Variants in AP2A1 observed in about 807,000 individuals in gnomAD.
The protein encoded by AP2A1 is AP-2 complex subunit alpha-1.
In AP2A1, 21 loss-of-function variants were observed where a neutral mutation model predicts 107.3. The observed-to-expected ratio is 0.20, with a 90% CI of 0.14 to 0.28. The LOEUF (loss-of-function observed/expected upper bound fraction) is 0.28, where lower values mean the gene tolerates loss of function less well. Among genes scored for constraint, AP2A1 ranks in the 10% least tolerant of loss-of-function variants. AP2A1 has a pLI of 1.00. For missense variants in AP2A1, 873 were observed against 1,307.7 expected (o/e 0.67, Z 5.13); for synonymous variants, 602 against 564.8 (o/e 1.07, Z -0.93).
In AP2A1 at chr19:49,801,486, C is replaced by T. The variant is rs1330201802; in HGVS notation, c.1650C>T (p.Asn550=). The T allele has an allele frequency of 2.5e-6, 4 of 1,613,694 alleles. No homozygotes were observed. In the East Asian group the frequency reaches 8.9e-5, roughly 36 times the overall value. ...LLLSTYIKFI[N]LFPETKATIQ... is the part of the protein sequence containing the mutation. ...TGTCCACCTACATCAAGTTCATCAA[C>T]CTCTTCCCCGAGACCAAGGCCACCA... is the stretch of plus-strand genomic sequence containing the variant. Residue 550 remains asparagine, a synonymous_variant, in exon 13 of 23, where the codon AAC becomes AAT. Transcript: ENST00000354293.
At chr19:49,799,188 T>C in intron 8 of AP2A1, 139 bp from the exon 9 acceptor site, 1 of 1,174,076 alleles carries the variant, frequency 8.5e-7, no homozygotes. Context: ...TCACTGGAGG[T>C]GCAGTACTGC....
Position 49,792,072 on chromosome 19 carries a change from C to A in AP2A1, c.603+8C>A. On this transcript the variant is annotated splice_region_variant and intron_variant, in intron 5 of 22. Coordinates refer to ENST00000354293, the MANE Select transcript of AP2A1 (RefSeq NM_130787.3). ...CTCAATGACCAGCACATGGTGAGCC[C>A]CCAGCCCTCACACCCCCGGATACCC... The A allele has an allele frequency of 6.2e-7, 1 of 1,610,980 alleles. No individual in the cohort carries two copies. Among genetic ancestry groups the A allele is most frequent in the Non-Finnish European group, 8.5e-7 (1 of 1,179,240 alleles).
chr19:49,802,602 AAG>A, intron 15 of AP2A1: 1 of 1,592,118 alleles, frequency 6.3e-7, no homozygotes, highest in Non-Finnish European at 8.5e-7. Flanking sequence ...GCTGCTGAGT[AAG>A]GGGTGGCCTG....
chr19:49,787,345 TTG>T (rs1568579463), intron 4 of AP2A1, among the ~76,000 whole-genome samples: 1 of 108,668 alleles, frequency 9.2e-6, no homozygotes, highest in African/African-American at 3.9e-5. Flanking sequence ...TTTGTTTTTT[TTG>T]TTTTTTGTTT....
chr19:49,805,622 G>A (rs748636383), intron 19 of AP2A1, 39 bp from the exon 20 acceptor site: 3 of 1,552,672 alleles, frequency 1.9e-6, no homozygotes, highest in African/African-American at 1.4e-5. Context: ...TCCGGGGTGA[G>A]GGGCGGGGCC....
chr19:49,802,812 C>A, intron 15 of AP2A1, 137 bp from the exon 16 acceptor site: 1 of 1,133,040 alleles, frequency 8.8e-7, no homozygotes, highest in Non-Finnish European at 1.3e-6. Flanking sequence ...ATGCGAGGTT[C>A]CTCGAGGCTC....
intron 1 of AP2A1, among the ~76,000 whole-genome samples, chr19:49,777,798 G>T (rs185972329): frequency 6.7e-6 from 1 of 148,832 alleles, no homozygotes; most frequent in Non-Finnish European, 1.5e-5. Context: ...GTGTGGTGGC[G>T]CACCTCACAG....
At chr19:49,805,171 T>G in intron 18 of AP2A1, 1 of 390,146 alleles carries the variant, frequency 2.6e-6, no homozygotes, top group Non-Finnish European at 4.6e-6. Flanking sequence ...CTCAGGTGGT[T>G]AAGAGCTGGG....
chr19:49,806,052 T>C lies in AP2A1; in HGVS notation c.2656-67T>C. 3 of 1,603,978 alleles carry C rather than the reference T, an allele frequency of 1.9e-6. No individual in the cohort carries two copies. In the South Asian group the frequency reaches 3.3e-5, roughly 18 times the overall value. The stretch of plus-strand genomic sequence containing the variant: ...TCCCATCCCCAAGGGTTTTTTGGGA[T>C]CTGGGATGCCACTGTGTGGTAACTA... On this transcript the variant is annotated intron_variant, in intron 21 of 22. Coordinates refer to ENST00000354293, the MANE Select transcript of AP2A1 (RefSeq NM_130787.3).
chr19:49,786,999 AC>A (rs1336863746), intron 4 of AP2A1, among the ~76,000 whole-genome samples: 1 of 151,914 alleles, frequency 6.6e-6, no homozygotes, highest in Non-Finnish European at 1.5e-5. Context: ...TTGTAGGTAG[AC>A]TTTTATTTAA....
intron 1 of AP2A1, among the ~76,000 whole-genome samples, chr19:49,780,584 G>A (rs763915435): frequency 6.6e-6 from 1 of 152,168 alleles, no homozygotes. Context: ...GCATCACAGA[G>A]CCCAGGATAT....
At chr19:49,793,521 C>A (rs958306670) in intron 6 of AP2A1, among the ~76,000 whole-genome samples, 5 of 152,212 alleles carry the variant, frequency 3.3e-5, no homozygotes, top group Non-Finnish European at 7.3e-5. Flanking sequence ...TGGCGTCCCT[C>A]TCCCACCTTT....
At chr19:49,800,176 T>A (rs561974666) in intron 11 of AP2A1, 26 bp downstream of exon 11, 2 of 1,589,370 alleles carry the variant, frequency 1.3e-6, no homozygotes, top group East Asian at 4.6e-5. Flanking sequence ...CCTGACCCTA[T>A]GACCCCACGA....
At chr19:49,787,595 T>C (rs1164457645) in intron 4 of AP2A1, among the ~76,000 whole-genome samples, 8 of 152,004 alleles carry the variant, frequency 5.3e-5, no homozygotes, top group East Asian at 1.9e-4. Context: ...TTGATCCATC[T>C]GCCTCAGCCT....
rs565962932 is a variant in AP2A1, at chr19:49,799,766, C to T, written c.1272C>T (p.Ile424=). ...CAGACTACGCCATCCGCGAGGAGATCGTGAGTGCTGTGGGGTGCGGGCTGG... is the reference window on the plus strand; with the variant it reads ...CAGACTACGCCATCCGCGAGGAGATTGTGAGTGCTGTGGGGTGCGGGCTGG... ...ETADYAIREE[I]VLKVAILAEK... Residue 424 remains isoleucine, a splice_region_variant and synonymous_variant, in exon 10 of 23, where the codon ATC becomes ATT. Coordinates refer to ENST00000354293, the MANE Select transcript of AP2A1 (RefSeq NM_130787.3). 6.8e-6 allele frequency: 11 copies of T among 1,612,874 alleles called. No individual in the cohort carries two copies. The South Asian group carries it at 8.8e-5, about 13-fold the overall frequency.
chr19:49,795,489 T>C, intron 6 of AP2A1, 141 bp from the exon 7 acceptor site: 1 of 636,182 alleles, frequency 1.6e-6, no homozygotes, highest in South Asian at 1.8e-5. Context: ...AGACCCTGTC[T>C]CTACAAAAAA....
chr19:49,776,853 C>T (rs1282334072), intron 1 of AP2A1, among the ~76,000 whole-genome samples: 2 of 152,324 alleles, frequency 1.3e-5, no homozygotes, highest in East Asian at 1.9e-4. Flanking sequence ...CTTTTCTTCT[C>T]TCTCTGAATT....
chr19:49,793,906 T>C (rs996146346), intron 6 of AP2A1, among the ~76,000 whole-genome samples: 1 of 134,114 alleles, frequency 7.5e-6, no homozygotes, highest in Non-Finnish European at 1.6e-5. Flanking sequence ...TTCTTTTTTT[T>C]TTTTTTTTTT....
intron 1 of AP2A1, among the ~76,000 whole-genome samples, chr19:49,778,093 G>A (rs190881524): frequency 6.6e-6 from 1 of 152,138 alleles, no homozygotes; most frequent in African/African-American, 2.4e-5. Context: ...ACATATTTGT[G>A]TATATATTTA....
Sources: allele counts gnomAD v4.1 joint callset (sites outside exome capture counted in the v4.1 genomes callset), GRCh38; gene constraint gnomAD v4.1.1; transcripts MANE v1.5; gene names NCBI Gene and HGNC (gene_info 2026-07-23, HGNC 2026-07-21).